The following TMCO1 variants were observed in gnomAD, a reference collection of about 807,000 sequenced individuals.
TMCO1 encodes calcium load-activated calcium channel.
In TMCO1, 29 loss-of-function variants were observed where a neutral mutation model predicts 29.3. The observed-to-expected ratio is 0.99, with a 90% confidence interval of 0.74 to 1.35. The LOEUF (loss-of-function observed/expected upper bound fraction) is 1.35, where lower values mean the gene tolerates loss of function less well. Ranked by LOEUF, TMCO1 falls within the 40% of genes most tolerant of loss-of-function variation. The pLI is 0.00. For missense variants in TMCO1, 173 were observed against 225.5 expected, an observed-to-expected ratio of 0.77 and a Z score of 1.49; for synonymous variants, 80 against 77.1, an observed-to-expected ratio of 1.04 and a Z score of -0.20.
At chr1:165,766,222 A>T (rs1026992261) in intron 2 of TMCO1, among the ~76,000 whole-genome samples, 1 of 152,234 alleles carries the variant, frequency 6.6e-6, no homozygotes, top group Admixed American at 6.5e-5. Context: ...CAAATGACAC[A>T]GGCTTAGACA....
At position 165,757,059 on chromosome 1, in the gene TMCO1, G is replaced by A. The variant is rs145767320; in HGVS notation, c.208+2466C>T. On this transcript the variant is annotated intron_variant, in intron 3 of 6. Transcript: ENST00000367881. ...TCTCATTCCAGGCTTATCAGCAGCC[G>A]ATTCAAAGGAAAACAAAAATCAGTT... 2.0e-5 allele frequency among the ~76,000 whole-genome samples: 3 copies of A among 152,182 alleles called. No homozygotes were observed. In the East Asian group the frequency reaches 5.8e-4, roughly 29 times the overall value.
intron 6 of TMCO1, among the ~76,000 whole-genome samples, chr1:165,740,137 C>A (rs780682191): frequency 7.2e-5 from 11 of 151,962 alleles, no homozygotes; most frequent in Non-Finnish European, 1.6e-4. Flanking sequence ...ACAACAACAA[C>A]AAACTCAGAA....
intron 3 of TMCO1, among the ~76,000 whole-genome samples, chr1:165,757,734 G>C (rs1652251701): frequency 6.6e-6 from 1 of 152,214 alleles, no homozygotes; most frequent in Admixed American, 6.5e-5. Flanking sequence ...CTGACCTCAG[G>C]TGACCCACCC....
At chr1:165,766,306 T>C (rs1652565209) in intron 2 of TMCO1, among the ~76,000 whole-genome samples, 1 of 152,144 alleles carries the variant, frequency 6.6e-6, no homozygotes, top group African/African-American at 2.4e-5. Context: ...ACATAACAAA[T>C]TGATGCGTGG....
At chr1:165,732,187 C>T (rs1651185024) in intron 6 of TMCO1, among the ~76,000 whole-genome samples, 1 of 152,092 alleles carries the variant, frequency 6.6e-6, no homozygotes, top group African/African-American at 2.4e-5. Context: ...TACATTTCTA[C>T]ACACTTTAAA....
Position 165,728,077 on chromosome 1 carries a change from G to T in TMCO1, c.513C>A (p.Thr171=). The T allele has an allele frequency of 6.2e-7, 1 of 1,609,252 alleles. No homozygotes were observed. The highest frequency in any genetic ancestry group is 2.2e-5 in the East Asian group (1 of 44,552). ...GGCCAAGAAATCCACCTGCCTGCTT[G>T]GTGGCGGCTCGTGAAGGGGCAAGGC... The part of the protein sequence containing the change: ...ILGLAPSRAA[T]KQAGGFLGPP... Residue 171 remains threonine, a synonymous_variant, in exon 7 of 7, where the codon ACC becomes ACA. Transcript: ENST00000367881.
downstream of TMCO1, chr1:165,726,515 C>G (rs1448711773): frequency 1.4e-5 from 7 of 494,292 alleles, no homozygotes; most frequent in Non-Finnish European, 7.9e-6. Flanking sequence ...CAAATCCTGA[C>G]TGCCACTCAA....
intron 6 of TMCO1, among the ~76,000 whole-genome samples, chr1:165,740,190 T>A (rs1297315187): frequency 6.6e-6 from 1 of 151,956 alleles, no homozygotes; most frequent in African/African-American, 2.4e-5. Flanking sequence ...ATCGTGTGTT[T>A]TTATGTTTTA....
chr1:165,766,449 C>G (rs1043125949), intron 2 of TMCO1, among the ~76,000 whole-genome samples: 1 of 152,174 alleles, frequency 6.6e-6, no homozygotes, highest in Non-Finnish European at 1.5e-5. Context: ...TCACTCCCAA[C>G]AACGGGAGGT....
At chr1:165,758,537 CAA>C (rs1328858228) in intron 3 of TMCO1, among the ~76,000 whole-genome samples, 1 of 151,670 alleles carries the variant, frequency 6.6e-6, no homozygotes, top group Non-Finnish European at 1.5e-5. Context: ...GCCTAGGAAA[CAA>C]GAGTGAAACT....
chr1:165,768,490 A>G (rs1365766113), intron 1 of TMCO1, 192 bp downstream of exon 1: 2 of 1,544,302 alleles, frequency 1.3e-6, no homozygotes, highest in Admixed American at 2.0e-5. Context: ...ACCTGAGACC[A>G]AAGAAAACTC....
At chr1:165,740,744 T>A (rs1651563471) in intron 6 of TMCO1, among the ~76,000 whole-genome samples, 1 of 152,232 alleles carries the variant, frequency 6.6e-6, no homozygotes, top group Non-Finnish European at 1.5e-5. Flanking sequence ...AATGTCATTA[T>A]CACTGGAGTG....
rs7525496 is a variant in TMCO1 at position 165,729,489 on chromosome 1, G to T, written c.469-1368C>A. 3.3e-5 allele frequency among the ~76,000 whole-genome samples: 5 copies of T among 151,470 alleles called. No homozygotes were observed. The South Asian group carries it at 1.0e-3, about 32-fold the overall frequency. ...CTGCTATCACACCCAGCTAATTTTT[G>T]TATTTTTTTTAGTAGAGAAGGGGTT... On this transcript the variant is annotated intron_variant, in intron 6 of 6. Coordinates refer to ENST00000367881, the MANE Select transcript of TMCO1 (RefSeq NM_019026.6).
At chr1:165,726,044 G>A, downstream of TMCO1, 1 of 689,922 alleles carries the variant, frequency 1.4e-6, no homozygotes, top group Non-Finnish European at 2.6e-6. Flanking sequence ...ATGAGTGATA[G>A]AGTGTGCTAT....
At chr1:165,730,173 CA>C (rs564225543) in intron 6 of TMCO1, among the ~76,000 whole-genome samples, 43 of 133,728 alleles carry the variant, frequency 3.2e-4, no homozygotes, top group Non-Finnish European at 1.6e-4. Flanking sequence ...TACACACACA[CA>C]AAAAAAAAAA....
chr1:165,768,840 C>T lies in TMCO1; in HGVS notation c.-89G>A. On this transcript the variant is annotated 5_prime_UTR_variant, in exon 1 of 7. Coordinates refer to ENST00000367881, the MANE Select transcript of TMCO1 (RefSeq NM_019026.6). Reference sequence around the variant, plus strand: ...GAAGCGAAAACGGCTTCCGTAGACTCCGCCACCACCGAGTAACAGACCAAC... The same window carrying T: ...GAAGCGAAAACGGCTTCCGTAGACTTCGCCACCACCGAGTAACAGACCAAC... The T allele has an allele frequency of 6.3e-7, 1 of 1,588,148 alleles. No homozygotes were observed. The highest frequency in any genetic ancestry group is 8.6e-7 in the Non-Finnish European group (1 of 1,166,380).
intron 6 of TMCO1, among the ~76,000 whole-genome samples, chr1:165,737,564 T>C (rs1651438338): frequency 6.6e-6 from 1 of 152,168 alleles, no homozygotes; most frequent in Non-Finnish European, 1.5e-5. Flanking sequence ...ACAGTCAAAT[T>C]TCTGAGAACC....
chr1:165,754,704 T>C (rs1200746049), intron 3 of TMCO1: 1 of 163,832 alleles, frequency 6.1e-6, no homozygotes, highest in Non-Finnish European at 1.3e-5. Flanking sequence ...AGCCAGTTGA[T>C]AGGATGAACT....
chr1:165,768,868 T>G lies in TMCO1; in HGVS notation c.-117A>C. ...CCACCACCGAGTAACAGACCAACTC[T>G]GACAGCCCGAAGATCGCACTTCCGC... On this transcript the variant is annotated 5_prime_UTR_variant, in exon 1 of 7. Transcript: ENST00000367881. The G allele has an allele frequency of 1.9e-6, 3 of 1,562,962 alleles. No individual in the cohort carries two copies. The highest frequency in any genetic ancestry group is 2.6e-6 in the Non-Finnish European group (3 of 1,153,626).
Sources: allele counts gnomAD v4.1 joint callset (sites outside exome capture counted in the v4.1 genomes callset), GRCh38; gene constraint gnomAD v4.1.1; transcripts MANE v1.5; gene names NCBI Gene and HGNC (gene_info 2026-07-23, HGNC 2026-07-21).